Variants in RASGEF1A observed in about 807,000 individuals in gnomAD.
The protein encoded by RASGEF1A is ras-GEF domain-containing family member 1A.
In RASGEF1A, 18 loss-of-function variants were observed where a neutral mutation model predicts 56.4. The observed-to-expected ratio is 0.32, with a 90% CI of 0.22 to 0.47. The LOEUF (loss-of-function observed/expected upper bound fraction) is 0.47, where lower values mean the gene tolerates loss of function less well. RASGEF1A is among the 20% of genes least tolerant of loss of function. The pLI is 1.00. For synonymous variants in RASGEF1A, 245 were observed against 242.6 expected (o/e 1.01, Z -0.09); for missense variants, 422 against 627.1 (o/e 0.67, Z 3.49).
intron 1 of RASGEF1A, among the ~76,000 whole-genome samples, chr10:43,210,372 G>C (rs1305238078): frequency 6.6e-6 from 1 of 152,196 alleles, no homozygotes; most frequent in Non-Finnish European, 1.5e-5. Flanking sequence ...TACTTGGGGA[G>C]CTGAGGCAGG....
Position 43,200,743 on chromosome 10 carries a change from G to A in RASGEF1A, c.605C>T (p.Pro202Leu). Residue 202 changes from proline (P) to leucine (L), a missense_variant, in exon 5 of 13, where the codon CCA becomes CTA. Around this residue, in one of 2 missense-constraint regions of RASGEF1A, gnomAD observed 273 missense variants for 339.9 expected, o/e 0.80. Coordinates refer to ENST00000395810, the MANE Select transcript of RASGEF1A (RefSeq NM_145313.4). The part of the protein sequence containing the change: ...DKGPILKTKP[P>L]AAQKDILGVC... ...GCCCAGGATGTCCTTCTGGGCGGCTGGTGGCTTGGTCTTGAGGATGGGCCC... is the reference window on the plus strand; with the variant it reads ...GCCCAGGATGTCCTTCTGGGCGGCTAGTGGCTTGGTCTTGAGGATGGGCCC... 8 of 1,613,878 alleles carry A rather than the reference G, an allele frequency of 5.0e-6. No homozygotes were observed. Among genetic ancestry groups the A allele is most frequent in the Non-Finnish European group, 5.9e-6 (7 of 1,180,046 alleles).
chr10:43,249,923 A>G (rs1414258053), intron 1 of RASGEF1A, among the ~76,000 whole-genome samples: 1 of 152,198 alleles, frequency 6.6e-6, no homozygotes. Flanking sequence ...CGTGTGTTTA[A>G]AAGCAAGATT....
At chr10:43,229,690 C>A in intron 1 of RASGEF1A, 2 of 1,450,530 alleles carry the variant, frequency 1.4e-6, no homozygotes, top group South Asian at 2.6e-5. Context: ...CCTGCCCGGT[C>A]CGGCGTCCAG....
At chr10:43,248,522 C>G (rs541708991) in intron 1 of RASGEF1A, among the ~76,000 whole-genome samples, 1 of 152,264 alleles carries the variant, frequency 6.6e-6, no homozygotes, top group Middle Eastern at 3.4e-3. Context: ...ATGACGATGA[C>G]CAACATCCCA....
intron 1 of RASGEF1A, among the ~76,000 whole-genome samples, chr10:43,237,589 A>G (rs1484242961): frequency 6.6e-6 from 1 of 151,988 alleles, no homozygotes; most frequent in African/African-American, 2.4e-5. Flanking sequence ...GAGCAGCTGC[A>G]TCTGCTATTT....
chr10:43,254,973 G>A (rs1840671677), intron 1 of RASGEF1A, among the ~76,000 whole-genome samples: 1 of 152,022 alleles, frequency 6.6e-6, no homozygotes, highest in South Asian at 2.1e-4. Flanking sequence ...ACACTCGGCT[G>A]GGAACACTGG....
At position 43,206,071 on chromosome 10, in the gene RASGEF1A, AGCT is replaced by A. The variant is rs1227155586; in HGVS notation, c.43_45del (p.Ser15del). On this transcript the variant is annotated inframe_deletion, in exon 2 of 13. Transcript: ENST00000395810. ...ATGCCAGGCTGCACCTGTCCGCTAC[AGCT>A]GGGCCCAAGGATGCTGGAGAAGACA... 6.2e-7 allele frequency: 1 copy of A among 1,605,008 alleles called. No homozygotes were observed. The highest frequency in any genetic ancestry group is 1.1e-5 in the South Asian group (1 of 89,678).
chr10:43,225,266 G>GT (rs1294437789), intron 1 of RASGEF1A, among the ~76,000 whole-genome samples: 18 of 80,586 alleles, frequency 2.2e-4, no homozygotes, highest in Non-Finnish European at 7.3e-5. Context: ...GTGGGGGGGG[G>GT]GTCTCTGTGT....
At chr10:43,250,172 G>A (rs1840610301) in intron 1 of RASGEF1A, among the ~76,000 whole-genome samples, 2 of 152,252 alleles carry the variant, frequency 1.3e-5, no homozygotes, top group Non-Finnish European at 2.9e-5. Context: ...CTGGCACTGT[G>A]TACCCTTGGC....
chr10:43,221,461 G>T (rs1424146835), intron 1 of RASGEF1A, among the ~76,000 whole-genome samples: 1 of 152,194 alleles, frequency 6.6e-6, no homozygotes, highest in Non-Finnish European at 1.5e-5. Flanking sequence ...GGCCCAAAGG[G>T]CCTCAGTCAC....
intron 1 of RASGEF1A, among the ~76,000 whole-genome samples, chr10:43,213,708 C>A (rs1299665281): frequency 6.6e-6 from 1 of 152,196 alleles, no homozygotes; most frequent in African/African-American, 2.4e-5. Flanking sequence ...CTCACTGCAA[C>A]CTCTGCCTCA....
chr10:43,212,792 G>A (rs1302071688), intron 1 of RASGEF1A, among the ~76,000 whole-genome samples: 7 of 152,214 alleles, frequency 4.6e-5, no homozygotes, highest in African/African-American at 1.7e-4. Context: ...TACACCTCAG[G>A]GGAGAGGCAC....
At chr10:43,235,556 G>C (rs1455412487) in intron 1 of RASGEF1A, among the ~76,000 whole-genome samples, 1 of 152,218 alleles carries the variant, frequency 6.6e-6, no homozygotes, top group Non-Finnish European at 1.5e-5. Flanking sequence ...TGACCACACT[G>C]CCCAGGAGCT....
intron 1 of RASGEF1A, among the ~76,000 whole-genome samples, chr10:43,248,995 T>C (rs1840597077): frequency 6.6e-6 from 1 of 152,080 alleles, no homozygotes; most frequent in Admixed American, 6.5e-5. Flanking sequence ...TTGGTGATAA[T>C]ATGGGCCAGC....
At chr10:43,264,734 C>A (rs964241379) in intron 1 of RASGEF1A, among the ~76,000 whole-genome samples, 1 of 151,934 alleles carries the variant, frequency 6.6e-6, no homozygotes, top group Non-Finnish European at 1.5e-5. Flanking sequence ...ATCTGCTATG[C>A]CCCTGGCACC....
chr10:43,224,791 C>T (rs1270254421), intron 1 of RASGEF1A, among the ~76,000 whole-genome samples: 1 of 152,206 alleles, frequency 6.6e-6, no homozygotes. Flanking sequence ...AAGAAGTTGG[C>T]TGTTCCTTAT....
chr10:43,202,369 C>A (rs74867964), intron 3 of RASGEF1A, among the ~76,000 whole-genome samples: 7,032 of 152,274 alleles, frequency 0.046, 189 homozygotes, highest in South Asian at 0.088. Context: ...GGGGAGGCGA[C>A]GCGCTCCCGC....
intron 1 of RASGEF1A, chr10:43,208,108 C>T: frequency 1.0e-5 from 10 of 985,498 alleles, no homozygotes; most frequent in Non-Finnish European, 1.2e-5. Flanking sequence ...AGCACTGTCT[C>T]AGGCATCTGA....
At chr10:43,208,826 G>A (rs760335995) in intron 1 of RASGEF1A, 1 of 985,518 alleles carries the variant, frequency 1.0e-6, no homozygotes, top group Non-Finnish European at 1.2e-6. Flanking sequence ...CCAGGGCTCA[G>A]TGCCAAGTGG....
Sources: allele counts gnomAD v4.1 joint callset (sites outside exome capture counted in the v4.1 genomes callset), GRCh38; gene constraint gnomAD v4.1.1; regional missense constraint gnomAD v4.1.1; transcripts MANE v1.5; gene names NCBI Gene and HGNC (gene_info 2026-07-23, HGNC 2026-07-21).